Variants in AMBRA1 observed in about 807,000 individuals in gnomAD.
AMBRA1 encodes autophagy and beclin 1 regulator 1, also known as activating molecule in BECN1-regulated autophagy protein 1.
AMBRA1 carries 47 observed loss-of-function variants against 125.4 expected under a neutral mutation model. That is an observed-to-expected ratio of 0.37 (90% CI 0.30 to 0.48). The LOEUF is 0.48. Among genes scored for constraint, AMBRA1 ranks in the 20% least tolerant of loss-of-function variants. The pLI is 0.99. For synonymous variants in AMBRA1, 626 were observed against 655.5 expected, an observed-to-expected ratio of 0.95 and a Z score of 0.69; for missense variants, 1,331 against 1,693.4, an observed-to-expected ratio of 0.79 and a Z score of 3.76.
intron 14 of AMBRA1, among the ~76,000 whole-genome samples, chr11:46,424,394 A>G (rs1187905836): frequency 6.6e-6 from 1 of 152,216 alleles, no homozygotes; most frequent in African/African-American, 2.4e-5. Context: ...GGAGACCCCA[A>G]AGACAGTCAG....
At chr11:46,568,315 G>A (rs190988471) in intron 1 of AMBRA1, among the ~76,000 whole-genome samples, 21 of 151,882 alleles carry the variant, frequency 1.4e-4, no homozygotes, top group Admixed American at 6.6e-4. Flanking sequence ...AAAATTAGCC[G>A]GGAGTGGTGG....
intron 7 of AMBRA1, among the ~76,000 whole-genome samples, chr11:46,532,900 T>C (rs895359180): frequency 1.1e-4 from 16 of 152,342 alleles, no homozygotes; most frequent in Middle Eastern, 3.4e-3. Context: ...ATTCCACTTC[T>C]AGAACTTCAT....
At chr11:46,502,466 T>A (rs1950878348) in intron 9 of AMBRA1, among the ~76,000 whole-genome samples, 1 of 152,214 alleles carries the variant, frequency 6.6e-6, no homozygotes, top group African/African-American at 2.4e-5. Flanking sequence ...TAATACCTTA[T>A]CCCTCTCTGA....
chr11:46,512,775 T>A lies in AMBRA1; in HGVS notation c.2111A>T (p.Tyr704Phe). 1 of 1,613,512 alleles carries A rather than the reference T, an allele frequency of 6.2e-7. No individual in the cohort carries two copies. Among genetic ancestry groups the A allele is most frequent in the Non-Finnish European group, 8.5e-7 (1 of 1,179,776 alleles). ...LESSLISLSR[Y>F]DGAGSREHPI... is the part of the protein sequence containing the mutation. ...GTGCTCTCTGGATCCTGCTCCATCA[T>A]AACGGGATAATGAAATGAGGGAAGA... The change falls in exon 8 of 18, where the codon TAT (tyrosine) becomes TTT (phenylalanine). Residue 704 changes from tyrosine (Y) to phenylalanine (F), a missense_variant. Transcript: ENST00000683756.
chr11:46,586,033 A>G (rs1483190429), intron 1 of AMBRA1, among the ~76,000 whole-genome samples: 2 of 151,598 alleles, frequency 1.3e-5, no homozygotes, highest in African/African-American at 4.8e-5. Flanking sequence ...TGAACTCCCA[A>G]CCTCAGGTGA....
chr11:46,552,651 C>T (rs2043042737), intron 1 of AMBRA1, among the ~76,000 whole-genome samples: 2 of 149,436 alleles, frequency 1.3e-5, no homozygotes, highest in Admixed American at 1.3e-4. Context: ...TGCACTCCAG[C>T]CTGGGCAACA....
chr11:46,543,011 C>T lies in AMBRA1; in HGVS notation c.1006G>A (p.Ala336Thr), dbSNP rs181240482. The T allele has an allele frequency of 1.9e-5, 30 of 1,600,142 alleles. No homozygotes were observed. The East Asian group carries it at 6.7e-4, about 36-fold the overall frequency. The stretch of plus-strand genomic sequence containing the variant: ...ACAAAAGAAAAGGAAGGGGTAGTAG[C>T]TCTGGCAGAAGCAGGGGGGACACTG... ...QDSVPPASAR[A>T]TTPSFSFVQT... The change falls in exon 7 of 18, where the codon GCT (alanine) becomes ACT (threonine). Residue 336 changes from alanine (A) to threonine (T), a missense_variant. Physicochemically the swap from Ala to Thr is moderately conservative, Grantham distance 58. This residue lies in a region of AMBRA1 where 689 missense variants were observed against 776.5 expected (regional missense o/e 0.89). Transcript: ENST00000683756.
intron 1 of AMBRA1, among the ~76,000 whole-genome samples, chr11:46,577,589 A>G (rs1356742754): frequency 1.3e-5 from 2 of 152,200 alleles, no homozygotes; most frequent in Non-Finnish European, 2.9e-5. Flanking sequence ...GTTCATTTTA[A>G]GATGGCTAAA....
intron 12 of AMBRA1, among the ~76,000 whole-genome samples, chr11:46,439,159 A>G (rs1017102542): frequency 6.6e-6 from 1 of 152,046 alleles, no homozygotes; most frequent in Non-Finnish European, 1.5e-5. Flanking sequence ...CTGTAGGCCG[A>G]GTTACTTGGA....
chr11:46,591,846 G>C (rs2044608847), intron 1 of AMBRA1, among the ~76,000 whole-genome samples: 1 of 150,946 alleles, frequency 6.6e-6, no homozygotes. Context: ...GACAAAGCAA[G>C]ACTCCGTCTC....
intron 15 of AMBRA1, among the ~76,000 whole-genome samples, chr11:46,414,277 G>T (rs553700412): frequency 2.6e-5 from 4 of 152,180 alleles, no homozygotes; most frequent in African/African-American, 4.8e-5. Flanking sequence ...CCAGCACCTG[G>T]CTCTTAGAGC....
intron 1 of AMBRA1, among the ~76,000 whole-genome samples, chr11:46,551,472 G>T (rs1300089552): frequency 6.6e-6 from 1 of 152,024 alleles, no homozygotes; most frequent in Non-Finnish European, 1.5e-5. Flanking sequence ...TTAAAGATGG[G>T]GTCTCGCTAT....
intron 11 of AMBRA1, among the ~76,000 whole-genome samples, chr11:46,477,868 G>A (rs1292218703): frequency 2.0e-5 from 3 of 151,944 alleles, no homozygotes; most frequent in Non-Finnish European, 4.4e-5. Context: ...TTGAGGTCAG[G>A]AGTTCGAGAC....
chr11:46,541,201 G>A (rs1225159424), intron 7 of AMBRA1, among the ~76,000 whole-genome samples: 4 of 152,126 alleles, frequency 2.6e-5, no homozygotes, highest in African/African-American at 9.7e-5. Flanking sequence ...TATGGTGGGC[G>A]ATCAACTACA....
intron 11 of AMBRA1, among the ~76,000 whole-genome samples, chr11:46,458,263 C>T (rs922385823): frequency 6.6e-6 from 1 of 152,174 alleles, no homozygotes; most frequent in African/African-American, 2.4e-5. Flanking sequence ...TATATTGAGA[C>T]GCTGCTAAAA....
intron 17 of AMBRA1, 89 bp from the exon 18 acceptor site, chr11:46,398,032 A>C: frequency 6.8e-7 from 1 of 1,475,346 alleles, no homozygotes; most frequent in East Asian, 2.4e-5. Flanking sequence ...CAGCTGGGGG[A>C]TTCTTGACTA....
intron 12 of AMBRA1, among the ~76,000 whole-genome samples, chr11:46,442,995 T>TC (rs1411712028): frequency 1.3e-5 from 2 of 152,218 alleles, no homozygotes; most frequent in Non-Finnish European, 2.9e-5. Context: ...GTGCTGGGAT[T>TC]ACAGGCGTGA....
At chr11:46,443,419 A>C (rs1380379555) in intron 12 of AMBRA1, 69 bp downstream of exon 12, 1 of 1,281,902 alleles carries the variant, frequency 7.8e-7, no homozygotes, top group African/African-American at 1.5e-5. Flanking sequence ...GTGCTCCATG[A>C]ATTTTTGAGT....
At position 46,418,050 on chromosome 11, in the gene AMBRA1, T is replaced by C; in HGVS notation, c.2979A>G (p.Arg993=). The C allele has an allele frequency of 6.4e-7, 1 of 1,569,706 alleles. No homozygotes were observed. The highest frequency in any genetic ancestry group is 1.7e-4 in the Middle Eastern group (1 of 5,916). The change falls in exon 15 of 18, where the codon AGA becomes AGG. Residue 993 remains arginine (R), a splice_region_variant and synonymous_variant. Coordinates refer to ENST00000683756, the MANE Select transcript of AMBRA1 (RefSeq NM_001387011.1). Reference sequence around the variant, plus strand: ...GCATGGGATAAAGGACGTTGAAAACTCTCTAGGTAGAGGAAAAGAGGGAAA... The same window carrying C: ...GCATGGGATAAAGGACGTTGAAAACCCTCTAGGTAGAGGAAAAGAGGGAAA... ...QAHGGETSMR[R]VFNVLYPMPA...
Sources: gnomAD v4.1 joint callset for allele counts (sites outside exome capture counted in the v4.1 genomes callset) on GRCh38, gnomAD v4.1.1 for gene constraint, gnomAD v4.1.1 regional missense constraint, MANE v1.5 for transcripts, NCBI Gene and HGNC (gene_info 2026-07-23, HGNC 2026-07-21) for gene names.